The following RTRAF variants were observed in gnomAD, a reference collection of about 807,000 sequenced individuals.
RTRAF encodes RNA transcription, translation and transport factor, also known as tRNA-splicing ligase complex subunit RTRAF.
RTRAF carries 14 observed loss-of-function variants against 34.4 expected under a neutral mutation model. The ratio of observed to expected loss-of-function variants is 0.41; its 90% CI spans 0.27 to 0.64. The LOEUF (loss-of-function observed/expected upper bound fraction) is 0.64. Among genes scored for constraint, RTRAF ranks in the 30% least tolerant of loss-of-function variants. The pLI is 0.34. For missense variants in RTRAF, 291 were observed against 288.4 expected, an observed-to-expected ratio of 1.01 and a Z score of -0.06; for synonymous variants, 96 against 95.3, an observed-to-expected ratio of 1.01 and a Z score of -0.04.
At chr14:52,001,390 C>G (rs182366151) in intron 5 of RTRAF, among the ~76,000 whole-genome samples, 1 of 152,220 alleles carries the variant, frequency 6.6e-6, no homozygotes, top group African/African-American at 2.4e-5. Flanking sequence ...GATCTGCTAC[C>G]CTTTGTGTCA....
At chr14:52,001,590 A>G (rs187960707) in intron 5 of RTRAF, among the ~76,000 whole-genome samples, 2 of 152,308 alleles carry the variant, frequency 1.3e-5, no homozygotes, top group Admixed American at 6.5e-5. Context: ...TGTTGCAAGC[A>G]CCATTCAACA....
At chr14:51,999,897 A>G (rs1321902388) in intron 5 of RTRAF, 101 bp downstream of exon 5, 21 of 742,614 alleles carry the variant, frequency 2.8e-5, no homozygotes, top group Non-Finnish European at 4.0e-5. Context: ...TGGTTGAATG[A>G]CTAAAATACA....
At chr14:52,002,474 G>T (rs1222060120) in intron 6 of RTRAF, among the ~76,000 whole-genome samples, 1 of 152,218 alleles carries the variant, frequency 6.6e-6, no homozygotes, top group Non-Finnish European at 1.5e-5. Context: ...GGGACAGGGG[G>T]TTCTGTTGGA....
At chr14:51,991,528 GA>G (rs1197981782) in intron 2 of RTRAF, 87 bp downstream of exon 2, 14 of 1,436,742 alleles carry the variant, frequency 9.7e-6, no homozygotes, top group Non-Finnish European at 1.2e-5. Flanking sequence ...CTTCTTTTAA[GA>G]AAAAAATGAT....
At position 52,004,529 on chromosome 14, in the gene RTRAF, T is replaced by TTCAGCTTC. The variant is rs768322119; in HGVS notation, c.*17_*24dup. 6.2e-7 allele frequency: 1 copy of TTCAGCTTC among 1,607,342 alleles called. No homozygotes were observed. The highest frequency in any genetic ancestry group is 8.5e-7 in the Non-Finnish European group (1 of 1,177,924). Reference sequence around the variant, plus strand: ...AGTTGGAAGATGAACACTTGAGGACTTCAGCTTCTCACCTACTTAGTACAG... The same window carrying TTCAGCTTC: ...AGTTGGAAGATGAACACTTGAGGACTTCAGCTTCTCAGCTTCTCACCTACTTAGTACAG... On this transcript the variant is annotated 3_prime_UTR_variant, in exon 8 of 8. Coordinates refer to ENST00000261700, the MANE Select transcript of RTRAF (RefSeq NM_016039.3).
rs1890858269 is a variant in RTRAF, at chr14:52,008,005, T to C, written c.*3489T>C. On this transcript the variant is annotated 3_prime_UTR_variant, in exon 8 of 8. Transcript: ENST00000261700. ...AATCAAGATTGTAAAAGAATAGCCA[T>C]GTAGCCTGTGGTAGGCAGCATCTAA... 3.2e-6 allele frequency: 5 copies of C among 1,557,596 alleles called. No individual in the cohort carries two copies. Among genetic ancestry groups the C allele is most frequent in the Non-Finnish European group, 4.4e-6 (5 of 1,146,564 alleles).
rs1890864189 is a variant in RTRAF at position 52,008,110 on chromosome 14, C to T, written c.*3594C>T. On this transcript the variant is annotated 3_prime_UTR_variant, in exon 8 of 8. Transcript: ENST00000261700. ...TGAGTTTGGGCTGCATTAGTAGTGT[C>T]TTGCTTCTTCTAGTGCATAGAGTAT... The T allele has an allele frequency of 1.6e-6, 1 of 616,690 alleles. No individual in the cohort carries two copies. The allele number at this position is 616,690 out of a possible 1,614,324, so 38.2% of individuals were successfully genotyped here.
Position 52,005,583 on chromosome 14 carries a change from T to C in RTRAF, c.*1067T>C, listed in dbSNP as rs987550088. The C allele has an allele frequency of 6.6e-7, 1 of 1,506,094 alleles. No homozygotes were observed. The highest frequency in any genetic ancestry group is 9.1e-7 in the Non-Finnish European group (1 of 1,096,988). 93.3% of individuals were successfully genotyped at this position (1,506,094 alleles called of 1,614,324 possible). On this transcript the variant is annotated 3_prime_UTR_variant, in exon 8 of 8. Transcript: ENST00000261700. ...ACAGCAAGTCTTTGCATTTTGTGTA[T>C]AAACTAGGTAGATTTAAGGTAGTAA...
intron 5 of RTRAF, among the ~76,000 whole-genome samples, chr14:52,001,437 G>A (rs1022207455): frequency 2.6e-5 from 4 of 152,110 alleles, no homozygotes; most frequent in African/African-American, 2.4e-5. Flanking sequence ...TCGTCATTTC[G>A]CAGTTTTAGT....
rs1890871024 is a variant in RTRAF, at chr14:52,008,243, A to G, written c.*3727A>G. ...GAGGGAAGCTGGATGCCATGTTGCA[A>G]GCTACCCTGTAAAGGGGAACATGTG... On this transcript the variant is annotated 3_prime_UTR_variant, in exon 8 of 8. Coordinates refer to ENST00000261700, the MANE Select transcript of RTRAF (RefSeq NM_016039.3). 6.3e-6 allele frequency: 2 copies of G among 315,312 alleles called. No individual in the cohort carries two copies. Among genetic ancestry groups the G allele is most frequent in the South Asian group, 1.1e-4 (2 of 18,118 alleles). The allele number at this position is 315,312 out of a possible 1,614,324, so 19.5% of individuals were successfully genotyped here. A position where few individuals can be genotyped will look rare whatever the true frequency, so the allele number is the denominator to read the frequency against.
In RTRAF at chr14:51,990,413, G is replaced by T. The variant is rs546817453; in HGVS notation, c.61+713G>T. Among the ~76,000 whole-genome samples, 4 of 152,274 alleles carry T rather than the reference G, an allele frequency of 2.6e-5. No homozygotes were observed. The South Asian group carries it at 8.3e-4, about 32-fold the overall frequency. On this transcript the variant is annotated intron_variant, in intron 1 of 7. Transcript: ENST00000261700. ...TACTCGTTTCCTTTGTATAGTTGTG[G>T]CCTGTGATAGACTGGTAAGTTTGAA...
Position 51,993,739 on chromosome 14 carries a change from A to G in RTRAF, c.203A>G (p.Asn68Ser), listed in dbSNP as rs770838716. 1.9e-6 allele frequency: 3 copies of G among 1,599,884 alleles called. No individual in the cohort carries two copies. Among genetic ancestry groups the G allele is most frequent in the South Asian group, 2.2e-5 (2 of 89,090 alleles). ...KFFEKYLRDV[N>S]CPFKIQDRQE... The stretch of plus-strand genomic sequence containing the variant: ...CCCTCACAGTATCTCAGAGATGTTA[A>G]CTGTCCTTTCAAGATTCAAGATCGA... Residue 68 changes from asparagine (N) to serine (S), a missense_variant, in exon 3 of 8, where the codon AAC becomes AGC. Physicochemically the swap from Asn to Ser is conservative, Grantham distance 46 (BLOSUM62 1). Transcript: ENST00000261700.
At chr14:51,998,463 G>T (rs1313840308) in intron 3 of RTRAF, 31 bp from the exon 4 acceptor site, 1 of 1,364,384 alleles carries the variant, frequency 7.3e-7, no homozygotes, top group Non-Finnish European at 1.0e-6. Context: ...AGTTGCAGTT[G>T]TACAAATTAT....
intron 3 of RTRAF, among the ~76,000 whole-genome samples, chr14:51,994,029 C>G (rs1001131920): frequency 2.2e-4 from 34 of 152,324 alleles, no homozygotes; most frequent in African/African-American, 7.9e-4. Context: ...CTGGAGAAGG[C>G]TAATTGACTG....
At chr14:51,995,423 A>G (rs953490795) in intron 3 of RTRAF, among the ~76,000 whole-genome samples, 3 of 151,694 alleles carry the variant, frequency 2.0e-5, no homozygotes, top group Non-Finnish European at 2.9e-5. Flanking sequence ...CATTGTCATA[A>G]CTTTGTCTCT....
intron 2 of RTRAF, 151 bp from the exon 3 acceptor site, chr14:51,993,572 G>A: frequency 1.8e-6 from 1 of 557,860 alleles, no homozygotes; most frequent in Non-Finnish European, 3.1e-6. Context: ...GTTCCCTTCT[G>A]TTGGGTTATA....
chr14:52,007,779 T>G lies in RTRAF; in HGVS notation c.*3263T>G. On this transcript the variant is annotated 3_prime_UTR_variant, in exon 8 of 8. Coordinates refer to ENST00000261700, the MANE Select transcript of RTRAF (RefSeq NM_016039.3). ...TGCTCACATTCACTGTGATGAGAGG[T>G]TATCTATTTGCATTCCATCAGTAGT... is the stretch of plus-strand genomic sequence containing the variant. The G allele has an allele frequency of 6.3e-7, 1 of 1,585,926 alleles. No individual in the cohort carries two copies. Among genetic ancestry groups the G allele is most frequent in the Non-Finnish European group, 8.6e-7 (1 of 1,157,894 alleles).
At chr14:51,995,449 G>A (rs138166826) in intron 3 of RTRAF, among the ~76,000 whole-genome samples, 1 of 151,942 alleles carries the variant, frequency 6.6e-6, no homozygotes, top group Admixed American at 6.5e-5. Flanking sequence ...TGATCCTCCT[G>A]AGCCCACCTG....
chr14:52,004,271 T>A (rs1293973057), intron 7 of RTRAF, 29 bp downstream of exon 7: 1 of 1,593,070 alleles, frequency 6.3e-7, no homozygotes, highest in Non-Finnish European at 8.6e-7. Flanking sequence ...ATTCAAACTA[T>A]TTTTTTTACA....
Sources: allele counts gnomAD v4.1 joint callset (sites outside exome capture counted in the v4.1 genomes callset), GRCh38; gene constraint gnomAD v4.1.1; transcripts MANE v1.5; gene names NCBI Gene and HGNC (gene_info 2026-07-23, HGNC 2026-07-21).